The following TMEM87B variants were observed in gnomAD, a reference collection of about 807,000 sequenced individuals.
TMEM87B encodes the protein transmembrane protein 87B.
TMEM87B carries 83 observed loss-of-function variants against 80.3 expected under a neutral mutation model. The observed-to-expected ratio is 1.03, with a 90% CI of 0.87 to 1.24. TMEM87B has a LOEUF of 1.24. Among genes scored for constraint, TMEM87B ranks in the 50% most tolerant of loss-of-function variants. TMEM87B has a pLI of 0.00. For missense variants in TMEM87B, 625 were observed against 674.4 expected, an observed-to-expected ratio of 0.93 and a Z score of 0.81; for synonymous variants, 219 against 230.5, an observed-to-expected ratio of 0.95 and a Z score of 0.45.
intron 2 of TMEM87B, among the ~76,000 whole-genome samples, chr2:112,061,344 A>G (rs961059168): frequency 2.0e-5 from 3 of 152,202 alleles, no homozygotes; most frequent in Non-Finnish European, 4.4e-5. Context: ...ACTGGCTTCT[A>G]CAGGATCCAA....
intron 17 of TMEM87B, among the ~76,000 whole-genome samples, chr2:112,111,793 T>C (rs1006795689): frequency 1.3e-5 from 2 of 152,238 alleles, no homozygotes; most frequent in Admixed American, 6.5e-5. Flanking sequence ...TGATATTCAC[T>C]GTGAATTTCC....
chr2:112,108,360 C>T (rs1679829238), intron 17 of TMEM87B, among the ~76,000 whole-genome samples: 1 of 152,196 alleles, frequency 6.6e-6, no homozygotes, highest in Admixed American at 6.5e-5. Flanking sequence ...GTCTTTCCCT[C>T]CCTAGCCCCC....
At position 112,086,164 on chromosome 2, in the gene TMEM87B, A is replaced by G. The variant is rs539325795; in HGVS notation, c.938+60A>G. ...CAGCCCAGTGATTCAGTCCGTCTAC[A>G]TTATGACCTTTGTGAAAATGGAACT... On this transcript the variant is annotated intron_variant, in intron 9 of 18. Coordinates refer to ENST00000283206, the MANE Select transcript of TMEM87B (RefSeq NM_032824.3). The G allele has an allele frequency of 5.3e-6, 7 of 1,326,284 alleles. No individual in the cohort carries two copies. In the African/African-American group the frequency reaches 7.4e-5, roughly 14 times the overall value. The allele number at this position is 1,326,284 out of a possible 1,614,324, so 82.2% of individuals were successfully genotyped here.
Position 112,068,988 on chromosome 2 carries a change from C to T in TMEM87B, c.450+1921C>T, listed in dbSNP as rs902960794. 8.6e-5 allele frequency among the ~76,000 whole-genome samples: 13 copies of T among 151,164 alleles called. No individual in the cohort carries two copies. In the East Asian group the frequency reaches 1.6e-3, roughly 18 times the overall value. On this transcript the variant is annotated intron_variant, in intron 4 of 18. Transcript: ENST00000283206. ...CGGGTGGATCTTGAGGTCAGGAGAT[C>T]GAGACCATCCTGGCTAACAAGGTGA...
chr2:112,067,088 G>T, intron 4 of TMEM87B, 21 bp downstream of exon 4: 2 of 1,603,636 alleles, frequency 1.2e-6, no homozygotes, highest in Non-Finnish European at 1.7e-6. Flanking sequence ...GACTTGCCAT[G>T]TTAAAGTTTA....
At chr2:112,092,054 C>T (rs1198098636) in intron 11 of TMEM87B, among the ~76,000 whole-genome samples, 4 of 152,108 alleles carry the variant, frequency 2.6e-5, no homozygotes, top group Non-Finnish European at 4.4e-5. Flanking sequence ...TTAAGGGATT[C>T]ACAGTCTTGT....
intron 17 of TMEM87B, among the ~76,000 whole-genome samples, chr2:112,108,681 G>C (rs1416888700): frequency 1.3e-5 from 2 of 152,126 alleles, no homozygotes. Flanking sequence ...GGTTTTGTTT[G>C]TGTGGGTTGA....
At chr2:112,112,714 T>C (rs1344452497) in intron 17 of TMEM87B, among the ~76,000 whole-genome samples, 185 bp from the exon 18 acceptor site, 1 of 152,228 alleles carries the variant, frequency 6.6e-6, no homozygotes, top group Non-Finnish European at 1.5e-5. Context: ...TGAGTGCTAT[T>C]GAGAACAGCA....
chr2:112,113,630 A>G (rs1044137353), intron 18 of TMEM87B, among the ~76,000 whole-genome samples: 2 of 152,022 alleles, frequency 1.3e-5, no homozygotes, highest in African/African-American at 2.4e-5. Flanking sequence ...AACTCTACAG[A>G]AAGATGTAGC....
chr2:112,107,933 C>T (rs911115566), intron 17 of TMEM87B, 93 bp downstream of exon 17: 34 of 740,132 alleles, frequency 4.6e-5, no homozygotes, highest in Middle Eastern at 2.5e-4. Context: ...TTTCAAACCT[C>T]GTACTTGCAT....
intron 8 of TMEM87B, among the ~76,000 whole-genome samples, chr2:112,085,674 G>T (rs1387175328): frequency 6.6e-6 from 1 of 152,232 alleles, no homozygotes; most frequent in African/African-American, 2.4e-5. Context: ...TCTAGAGGAT[G>T]TTGTGGTTTT....
At chr2:112,070,917 G>A (rs1211094995) in intron 4 of TMEM87B, among the ~76,000 whole-genome samples, 1 of 151,616 alleles carries the variant, frequency 6.6e-6, no homozygotes. Flanking sequence ...CACCTCCCGG[G>A]TTCATGCCAT....
intron 1 of TMEM87B, among the ~76,000 whole-genome samples, 183 bp downstream of exon 1, chr2:112,055,939 C>T (rs1392221401): frequency 1.3e-5 from 2 of 152,228 alleles, no homozygotes. Flanking sequence ...TCCTCCGGCC[C>T]GACCTGGGCT....
chr2:112,072,051 T>C (rs1558833227), intron 4 of TMEM87B, among the ~76,000 whole-genome samples: 1 of 152,240 alleles, frequency 6.6e-6, no homozygotes, highest in Non-Finnish European at 1.5e-5. Context: ...ATGTGGTTTC[T>C]GTCTTTAATT....
At chr2:112,081,220 G>A (rs1678986542) in intron 7 of TMEM87B, 102 bp downstream of exon 7, 2 of 1,427,434 alleles carry the variant, frequency 1.4e-6, no homozygotes. Flanking sequence ...GACATATCCT[G>A]TATTTCTGGT....
chr2:112,066,192 T>C (rs1286600531), intron 3 of TMEM87B, among the ~76,000 whole-genome samples: 1 of 152,224 alleles, frequency 6.6e-6, no homozygotes, highest in Non-Finnish European at 1.5e-5. Flanking sequence ...CTGTGCTGAT[T>C]GCTGAATGGT....
chr2:112,078,796 GT>G (rs1232107669), intron 6 of TMEM87B, among the ~76,000 whole-genome samples: 2 of 152,182 alleles, frequency 1.3e-5, no homozygotes, highest in African/African-American at 4.8e-5. Flanking sequence ...AGATGTGTGA[GT>G]TTGGTAATTT....
chr2:112,055,845 T>A, intron 1 of TMEM87B, 89 bp downstream of exon 1: 2 of 1,385,046 alleles, frequency 1.4e-6, no homozygotes, highest in Non-Finnish European at 1.9e-6. Flanking sequence ...TTGTTCACCC[T>A]GCCTCTGCCG....
In TMEM87B at chr2:112,078,360, C is replaced by T. The variant is rs191513318; in HGVS notation, c.592+1078C>T. Among the ~76,000 whole-genome samples, 141 of 152,272 alleles carry T rather than the reference C, an allele frequency of 9.3e-4. 2 individuals carry two copies. Among genetic ancestry groups the T allele is most frequent in the African/African-American group, 3.2e-3 (135 of 41,556 alleles). ...TCTGCTTCCAAGATGGCACCTTAAA[C>T]GATGTGTTCTCACATGGCAGAAAGG... is the stretch of plus-strand genomic sequence containing the variant. On this transcript the variant is annotated intron_variant, in intron 6 of 18. Coordinates refer to ENST00000283206, the MANE Select transcript of TMEM87B (RefSeq NM_032824.3).
Sources: gnomAD v4.1 joint callset for allele counts (sites outside exome capture counted in the v4.1 genomes callset) on GRCh38, gnomAD v4.1.1 for gene constraint, MANE v1.5 for transcripts, NCBI Gene and HGNC (gene_info 2026-07-23, HGNC 2026-07-21) for gene names.